Variants in PCDHA3 observed in about 807,000 individuals in gnomAD.
PCDHA3 encodes protocadherin alpha 3, also known as protocadherin alpha-3.
PCDHA3 carries 41 observed loss-of-function variants against 62.2 expected under a neutral mutation model. The ratio of observed to expected loss-of-function variants is 0.66; its 90% CI spans 0.51 to 0.86. The LOEUF (loss-of-function observed/expected upper bound fraction) is 0.86, where lower values mean the gene tolerates loss of function less well. Ranked by LOEUF, PCDHA3 falls within the 40% of genes least tolerant of loss-of-function variation. PCDHA3 has a pLI of 0.00. For synonymous variants in PCDHA3, 640 were observed against 555.4 expected (o/e 1.15, Z -2.14); for missense variants, 1,304 against 1,241.2 (o/e 1.05, Z -0.76).
Position 140,802,600 on chromosome 5 carries a change from AC to A in PCDHA3, c.1406del (p.Pro469ArgfsTer60). On this transcript the variant is annotated frameshift_variant, in exon 1 of 4. Coordinates refer to ENST00000522353, the MANE Select transcript of PCDHA3 (RefSeq NM_018906.3). LOFTEE classifies it high-confidence loss of function. ...SEYTVFVKEN[N>X]PPGCHIFTVS... The stretch of plus-strand genomic sequence containing the variant: ...TACACGGTGTTCGTGAAGGAGAACA[AC>A]CCGCCGGGCTGCCACATCTTCACGG... 1 of 1,613,472 alleles carries A rather than the reference AC, an allele frequency of 6.2e-7. No individual in the cohort carries two copies. The highest frequency in any genetic ancestry group is 8.5e-7 in the Non-Finnish European group (1 of 1,179,906).
chr5:140,858,123 T>C, intron 1 of PCDHA3: 1 of 1,597,678 alleles, frequency 6.3e-7, no homozygotes, highest in East Asian at 2.2e-5. Flanking sequence ...GTGGCCCTGG[T>C]GGATGTCAAC....
At chr5:140,856,260 G>T (rs782445424) in intron 1 of PCDHA3, 1 of 1,598,174 alleles carries the variant, frequency 6.3e-7, no homozygotes, top group Non-Finnish European at 8.6e-7. Context: ...AAAAGACACG[G>T]GGACCTTCTG....
chr5:140,857,990 G>C lies in PCDHA3; in HGVS notation c.2394+54399G>C, dbSNP rs570220982. ...TGACTCGCCACGCCAGCGCCTACTG[G>C]TGCTGGTGAAGGACCATGGCGAGCC... On this transcript the variant is annotated intron_variant, in intron 1 of 3. Transcript: ENST00000522353. 3.7e-5 allele frequency: 59 copies of C among 1,597,202 alleles called. 9 individuals are homozygous for C. In the South Asian group the frequency reaches 5.7e-4, roughly 16 times the overall value.
intron 1 of PCDHA3, chr5:140,870,906 C>T (rs201710263): frequency 1.2e-6 from 2 of 1,613,948 alleles, no homozygotes; most frequent in African/African-American, 2.7e-5. Flanking sequence ...CGGACTCAGG[C>T]TACAACGCGT....
At chr5:140,907,392 A>G (rs1362391388) in intron 1 of PCDHA3, among the ~76,000 whole-genome samples, 1 of 152,202 alleles carries the variant, frequency 6.6e-6, no homozygotes, top group Non-Finnish European at 1.5e-5. Context: ...GTCAAAGGCA[A>G]TGCTGTGTGG....
At chr5:140,851,455 C>T in intron 1 of PCDHA3, 1 of 898,662 alleles carries the variant, frequency 1.1e-6, no homozygotes, top group Non-Finnish European at 1.4e-6. Context: ...CTTTAGGAAT[C>T]AAATTATGTC....
At chr5:140,815,732 A>G (rs1410141978) in intron 1 of PCDHA3, 2 of 152,184 alleles carry the variant, frequency 1.3e-5, no homozygotes. Flanking sequence ...TTTTAACTCA[A>G]AAGGCCCCCT....
At chr5:140,944,219 A>G (rs191111426) in intron 1 of PCDHA3, among the ~76,000 whole-genome samples, 202 of 152,176 alleles carry the variant, frequency 1.3e-3, no homozygotes, top group Non-Finnish European at 2.3e-3. Context: ...AGAGGGTTTT[A>G]CTCTGTCGCT....
chr5:140,836,197 C>A (rs2150255199), intron 1 of PCDHA3: 1 of 1,613,818 alleles, frequency 6.2e-7, no homozygotes. Context: ...GGCTACAACG[C>A]GTGGCTTTCG....
At chr5:140,861,448 AC>A in intron 1 of PCDHA3, 2 of 493,166 alleles carry the variant, frequency 4.1e-6, no homozygotes, top group Non-Finnish European at 8.3e-6. Context: ...AGCCGCAGAA[AC>A]CTTCTGGAGG....
At chr5:140,828,738 A>C in intron 1 of PCDHA3, 1 of 1,614,242 alleles carries the variant, frequency 6.2e-7, no homozygotes, top group Non-Finnish European at 8.5e-7. Flanking sequence ...ACAGCCACAG[A>C]TGGGGGCAAA....
In PCDHA3 at chr5:140,801,868, G is replaced by T; in HGVS notation, c.671G>T (p.Gly224Val). Residue 224 changes from glycine to valine, a missense_variant, in exon 1 of 4, where the codon GGC becomes GTC. Gly to Val is a moderately radical substitution (Grantham distance 109). Transcript: ENST00000522353. Reference protein sequence around the residue: ...AIDGGKPELTGTTQLKITVLD... With the variant: ...AIDGGKPELTVTTQLKITVLD... ...GATGGTGGGAAACCAGAGCTCACTG[G>T]CACGACTCAACTAAAGATCACTGTT... is the stretch of plus-strand genomic sequence containing the variant. The T allele has an allele frequency of 3.7e-6, 6 of 1,614,044 alleles. No individual in the cohort carries two copies. Among genetic ancestry groups the T allele is most frequent in the Non-Finnish European group, 5.1e-6 (6 of 1,180,024 alleles).
chr5:140,808,018 T>C, intron 1 of PCDHA3: 1 of 1,613,878 alleles, frequency 6.2e-7, no homozygotes. Flanking sequence ...ATGGGGACAT[T>C]GTTTATTCAT....
intron 1 of PCDHA3, chr5:140,883,983 G>A (rs2059929181): frequency 6.2e-7 from 1 of 1,612,892 alleles, no homozygotes; most frequent in East Asian, 2.2e-5. Flanking sequence ...GGGGCTGGCA[G>A]CGCGGGAGGC....
At chr5:140,853,695 C>T (rs376697449) in intron 1 of PCDHA3, 1 of 988,266 alleles carries the variant, frequency 1.0e-6, no homozygotes, top group African/African-American at 1.8e-5. Context: ...CTTAGACCTG[C>T]TAACGCATTA....
chr5:140,824,554 T>C (rs1311403031), intron 1 of PCDHA3: 1 of 179,802 alleles, frequency 5.6e-6, no homozygotes, highest in African/African-American at 2.4e-5. Flanking sequence ...TGGGCTCAAG[T>C]GATCCTCCTA....
intron 1 of PCDHA3, chr5:140,831,338 AATTT>A (rs1275067548): frequency 6.7e-6 from 1 of 149,500 alleles, no homozygotes; most frequent in East Asian, 2.0e-4. Context: ...TCTACACAGT[AATTT>A]AAACTATTCA....
At chr5:141,007,498 G>T (rs936217793) in intron 3 of PCDHA3, among the ~76,000 whole-genome samples, 2 of 151,942 alleles carry the variant, frequency 1.3e-5, no homozygotes, top group Admixed American at 1.3e-4. Context: ...GACCTAGGAG[G>T]CAGAGACTGC....
intron 1 of PCDHA3, chr5:140,877,326 G>A: frequency 1.9e-6 from 3 of 1,613,964 alleles, no homozygotes. Flanking sequence ...CGGTCGGCGC[G>A]CACATCCCGT....
Sources: gnomAD v4.1 joint callset for allele counts (sites outside exome capture counted in the v4.1 genomes callset) on GRCh38, gnomAD v4.1.1 for gene constraint, MANE v1.5 for transcripts, NCBI Gene and HGNC (gene_info 2026-07-23, HGNC 2026-07-21) for gene names.